The following SLC26A5 variants were observed in gnomAD, a reference collection of about 807,000 sequenced individuals.
The protein encoded by SLC26A5 is solute carrier family 26 member 5, also known as prestin.
Under a neutral mutation model 81.0 loss-of-function variants are expected in SLC26A5, and 51 were observed. That is an observed-to-expected ratio of 0.63 (90% confidence interval 0.50 to 0.80). The LOEUF is 0.80. Ranked by LOEUF, SLC26A5 falls within the 30% of genes least tolerant of loss-of-function variation. The pLI is 0.00. For missense variants in SLC26A5, 771 were observed against 905.8 expected (o/e 0.85, Z 1.91); for synonymous variants, 325 against 332.8 (o/e 0.98, Z 0.25).
intron 19 of SLC26A5, among the ~76,000 whole-genome samples, chr7:103,375,499 T>C (rs77732739): frequency 0.053 from 8,074 of 152,266 alleles, 277 homozygotes; most frequent in African/African-American, 0.085. Flanking sequence ...CATATGCCTA[T>C]GGAGCATGGT....
At chr7:103,416,861 A>G (rs1251061182) in intron 4 of SLC26A5, among the ~76,000 whole-genome samples, 1 of 152,198 alleles carries the variant, frequency 6.6e-6, no homozygotes, top group Non-Finnish European at 1.5e-5. Context: ...TGACATGCTT[A>G]ACACAAAATC....
Position 103,353,954 on chromosome 7 carries a change from C to G in SLC26A5, c.2042-1028G>C, listed in dbSNP as rs918541706. 2.5e-6 allele frequency: 4 copies of G among 1,595,940 alleles called. No individual in the cohort carries two copies. The African/African-American group carries it at 5.4e-5, about 21-fold the overall frequency. On this transcript the variant is annotated intron_variant, in intron 19 of 19. Transcript: ENST00000339444. ...GAGGGGGATATTGCCTTGTTGAAAACTTATGTAAGTCCTTTCAGTGTCTAC... is the reference window on the plus strand; with the variant it reads ...GAGGGGGATATTGCCTTGTTGAAAAGTTATGTAAGTCCTTTCAGTGTCTAC...
At chr7:103,380,229 T>C (rs1208259622) in intron 15 of SLC26A5, among the ~76,000 whole-genome samples, 1 of 151,998 alleles carries the variant, frequency 6.6e-6, no homozygotes, top group East Asian at 2.0e-4. Context: ...ACTGTATAAA[T>C]GTATACTTTA....
At chr7:103,375,492 A>T (rs2116331436) in intron 19 of SLC26A5, among the ~76,000 whole-genome samples, 1 of 152,300 alleles carries the variant, frequency 6.6e-6, no homozygotes, top group African/African-American at 2.4e-5. Context: ...TTCCCATCAT[A>T]TGCCTATGGA....
chr7:103,352,872 G>C, exon 20 of SLC26A5: 1 of 780,834 alleles, frequency 1.3e-6, no homozygotes, highest in South Asian at 1.3e-5. Flanking sequence ...GAACTGCTTG[G>C]ATTACACGGC....
chr7:103,408,045 C>A, intron 7 of SLC26A5, 42 bp from the exon 8 acceptor site: 1 of 1,613,200 alleles, frequency 6.2e-7, no homozygotes, highest in Non-Finnish European at 8.5e-7. Flanking sequence ...CAAGAAATCG[C>A]CCCTGAGAGA....
chr7:103,441,592 T>A (rs1387714644), intron 2 of SLC26A5, among the ~76,000 whole-genome samples: 1 of 152,204 alleles, frequency 6.6e-6, no homozygotes, highest in African/African-American at 2.4e-5. Context: ...AAGTTGATCA[T>A]GCTTATCCCC....
At chr7:103,369,242 T>C (rs1309959962), downstream of SLC26A5, 1 of 152,196 alleles carries the variant, frequency 6.6e-6, no homozygotes, top group African/African-American at 2.4e-5. Context: ...TCAGAAAAAT[T>C]CATCTTTTTT....
chr7:103,393,132 C>T, intron 9 of SLC26A5, 66 bp from the exon 10 acceptor site: 1 of 1,586,112 alleles, frequency 6.3e-7, no homozygotes, highest in Non-Finnish European at 8.6e-7. Context: ...AACCTTGCGA[C>T]TGCAGGGAAG....
At chr7:103,386,374 T>C (rs1380617517) in intron 14 of SLC26A5, among the ~76,000 whole-genome samples, 1 of 152,110 alleles carries the variant, frequency 6.6e-6, no homozygotes, top group Non-Finnish European at 1.5e-5. Context: ...GACACCATCC[T>C]GGCTGACACG....
At chr7:103,369,841 AT>A (rs1388522801), downstream of SLC26A5, among the ~76,000 whole-genome samples, 2 of 152,202 alleles carry the variant, frequency 1.3e-5, no homozygotes, top group Non-Finnish European at 2.9e-5. Context: ...TAAAAATGTG[AT>A]TAGGTGTATT....
chr7:103,383,542 C>A (rs74840849), intron 14 of SLC26A5, among the ~76,000 whole-genome samples: 1 of 152,192 alleles, frequency 6.6e-6, no homozygotes, highest in Non-Finnish European at 1.5e-5. Context: ...GCAAGAAAGT[C>A]TCTTTTAATG....
intron 19 of SLC26A5, chr7:103,355,892 G>T: frequency 1.2e-6 from 1 of 803,522 alleles, no homozygotes; most frequent in South Asian, 2.6e-5. Flanking sequence ...AAATAATTTT[G>T]ATTCCAAATT....
chr7:103,385,308 G>A lies in SLC26A5; in HGVS notation c.1514+3700C>T, dbSNP rs540388645. 2.6e-5 allele frequency among the ~76,000 whole-genome samples: 4 copies of A among 152,068 alleles called. No homozygotes were observed. The South Asian group carries it at 6.3e-4, about 24-fold the overall frequency. On this transcript the variant is annotated intron_variant, in intron 14 of 19. Transcript: ENST00000306312. ...CTCCCCAGTAGCTGGAACTACAGGC[G>A]CCCGCCACCACGCCTGGCTAATTTT...
At chr7:103,385,876 A>G (rs1822153070) in intron 14 of SLC26A5, among the ~76,000 whole-genome samples, 1 of 147,718 alleles carries the variant, frequency 6.8e-6, no homozygotes, top group African/African-American at 2.5e-5. Context: ...AATATTTTGT[A>G]TTTCTGGTAT....
intron 2 of SLC26A5, among the ~76,000 whole-genome samples, chr7:103,430,774 C>T (rs1324698283): frequency 1.3e-5 from 2 of 152,202 alleles, no homozygotes; most frequent in African/African-American, 4.8e-5. Context: ...GGAAATAAAA[C>T]TGGAGAGGTC....
intron 2 of SLC26A5, 110 bp from the exon 3 acceptor site, chr7:103,421,677 C>T (rs1019365663): frequency 8.4e-5 from 60 of 717,974 alleles, no homozygotes; most frequent in Non-Finnish European, 1.2e-4. Context: ...TTTCTTTGGA[C>T]GCCCCAGAGG....
chr7:103,353,426 C>T (rs1351930936), intron 19 of SLC26A5, among the ~76,000 whole-genome samples: 1 of 152,170 alleles, frequency 6.6e-6, no homozygotes, highest in Non-Finnish European at 1.5e-5. Context: ...CCAGCTTCAG[C>T]CTCCTGAGTA....
At chr7:103,395,558 T>C (rs1427652121) in intron 9 of SLC26A5, among the ~76,000 whole-genome samples, 10 of 148,118 alleles carry the variant, frequency 6.8e-5, no homozygotes, top group African/African-American at 2.5e-4. Flanking sequence ...TGTTTCGCTC[T>C]TGTTGCCCAG....
Sources: allele counts gnomAD v4.1 joint callset (sites outside exome capture counted in the v4.1 genomes callset), GRCh38; gene constraint gnomAD v4.1.1; transcripts MANE v1.5; gene names NCBI Gene and HGNC (gene_info 2026-07-23, HGNC 2026-07-21).